MAGI2: variants seen among roughly 807,000 people sequenced by gnomAD.
The protein encoded by MAGI2 is membrane-associated guanylate kinase, WW and PDZ domain-containing protein 2.
Under a neutral mutation model 133.3 loss-of-function variants are expected in MAGI2, and 35 were observed. The ratio of observed to expected loss-of-function variants is 0.26; its 90% CI spans 0.20 to 0.35. The LOEUF is 0.35. Ranked by LOEUF, MAGI2 falls within the 10% of genes least tolerant of loss-of-function variation. The pLI is 1.00. For synonymous variants in MAGI2, 729 were observed against 710.6 expected (o/e 1.03, Z -0.41); for missense variants, 1,636 against 1,863.4 (o/e 0.88, Z 2.25).
At chr7:79,354,934 GC>G (rs1431443239) in intron 1 of MAGI2, among the ~76,000 whole-genome samples, 1 of 152,102 alleles carries the variant, frequency 6.6e-6, no homozygotes, top group Non-Finnish European at 1.5e-5. Context: ...ATAGGTGTAA[GC>G]CCCCTTCTCC....
At chr7:78,406,268 C>A (rs192119384) in intron 6 of MAGI2, among the ~76,000 whole-genome samples, 32 of 152,134 alleles carry the variant, frequency 2.1e-4, no homozygotes, top group African/African-American at 7.2e-4. Context: ...TCTATTCTAA[C>A]ACAGATGGTA....
intron 2 of MAGI2, among the ~76,000 whole-genome samples, chr7:78,829,841 G>T (rs577233044): frequency 6.6e-6 from 1 of 152,080 alleles, no homozygotes; most frequent in Admixed American, 6.5e-5. Context: ...TTTTTGAGAA[G>T]AATGTATCCA....
intron 1 of MAGI2, among the ~76,000 whole-genome samples, chr7:79,187,786 C>G (rs1827295557): frequency 6.6e-6 from 1 of 151,784 alleles, no homozygotes; most frequent in Admixed American, 6.6e-5. Flanking sequence ...GATAAACACA[C>G]ATATTTTGTC....
Position 78,510,936 on chromosome 7 carries a change from T to C in MAGI2, c.755-9149A>G, listed in dbSNP as rs145392264. ...TTTGGCTTTCTAGTCTGCTTATAAC[T>C]GACTCCTCCTCACTCTGGTTTCTGC... On this transcript the variant is annotated intron_variant, in intron 4 of 21. Transcript: ENST00000354212. Among the ~76,000 whole-genome samples, 226 of 152,338 alleles carry C rather than the reference T, an allele frequency of 1.5e-3. 1 individual carries two copies. The highest frequency in any genetic ancestry group is 5.1e-3 in the African/African-American group (211 of 41,590).
At chr7:78,353,406 G>A (rs756117984) in intron 7 of MAGI2, among the ~76,000 whole-genome samples, 22 of 152,184 alleles carry the variant, frequency 1.4e-4, no homozygotes, top group Admixed American at 6.5e-5. Flanking sequence ...TCCAGTGGGG[G>A]AGACACACAA....
At chr7:79,295,139 C>T (rs1836833876) in intron 1 of MAGI2, among the ~76,000 whole-genome samples, 1 of 151,860 alleles carries the variant, frequency 6.6e-6, no homozygotes, top group Non-Finnish European at 1.5e-5. Flanking sequence ...AATCTAACAG[C>T]AATTCCAGGT....
At chr7:78,761,877 T>A (rs1218773224) in intron 2 of MAGI2, among the ~76,000 whole-genome samples, 1 of 151,996 alleles carries the variant, frequency 6.6e-6, no homozygotes, top group Non-Finnish European at 1.5e-5. Context: ...CAGGCAAAGA[T>A]AAGACATCTC....
intron 1 of MAGI2, among the ~76,000 whole-genome samples, chr7:79,032,027 A>T (rs1285102337): frequency 6.6e-6 from 1 of 152,202 alleles, no homozygotes; most frequent in Non-Finnish European, 1.5e-5. Flanking sequence ...TGATGGCACC[A>T]ACTTAATATA....
At chr7:78,131,730 G>A (rs753165922) in intron 18 of MAGI2, among the ~76,000 whole-genome samples, 1 of 152,094 alleles carries the variant, frequency 6.6e-6, no homozygotes, top group Non-Finnish European at 1.5e-5. Context: ...AGACAATGTT[G>A]TTCTTATGAC....
intron 21 of MAGI2, among the ~76,000 whole-genome samples, chr7:78,031,150 T>C (rs1256996669): frequency 1.3e-5 from 2 of 152,184 alleles, no homozygotes; most frequent in African/African-American, 2.4e-5. Flanking sequence ...TATGACATTC[T>C]CAAATAGGCA....
At chr7:78,025,607 A>G (rs532785594) in intron 21 of MAGI2, among the ~76,000 whole-genome samples, 1 of 152,274 alleles carries the variant, frequency 6.6e-6, no homozygotes, top group South Asian at 2.1e-4. Context: ...AGGGCAAAGG[A>G]TTTTCATTTG....
At chr7:78,838,087 G>A (rs1240553940) in intron 2 of MAGI2, among the ~76,000 whole-genome samples, 3 of 151,974 alleles carry the variant, frequency 2.0e-5, no homozygotes, top group South Asian at 2.1e-4. Flanking sequence ...AAAACTGCTC[G>A]GAAAGCTTGA....
At chr7:79,026,453 G>A (rs1562802615) in intron 1 of MAGI2, among the ~76,000 whole-genome samples, 2 of 152,166 alleles carry the variant, frequency 1.3e-5, no homozygotes, top group Non-Finnish European at 2.9e-5. Context: ...AAGCAAGAGT[G>A]TGGACACACA....
chr7:78,696,819 T>C (rs747316367), intron 2 of MAGI2, among the ~76,000 whole-genome samples: 1 of 152,198 alleles, frequency 6.6e-6, no homozygotes, highest in Non-Finnish European at 1.5e-5. Context: ...ACTTCATTCT[T>C]CTTTGAGATT....
chr7:78,987,876 G>T (rs1488470344), intron 2 of MAGI2, among the ~76,000 whole-genome samples: 1 of 151,732 alleles, frequency 6.6e-6, no homozygotes. Flanking sequence ...AAGGAAAAAA[G>T]ATTTATAATT....
At chr7:78,452,121 C>T (rs141059520) in intron 6 of MAGI2, among the ~76,000 whole-genome samples, 57 of 152,048 alleles carry the variant, frequency 3.7e-4, no homozygotes, top group East Asian at 1.4e-3. Flanking sequence ...TGAGTGTGGA[C>T]TGTGTTCTAT....
At chr7:79,006,091 G>C (rs1423875142) in intron 2 of MAGI2, among the ~76,000 whole-genome samples, 1 of 152,042 alleles carries the variant, frequency 6.6e-6, no homozygotes, top group East Asian at 1.9e-4. Context: ...ATCTCTGTGT[G>C]TTTTCATTAT....
At chr7:78,828,542 A>G (rs1025897492) in intron 2 of MAGI2, among the ~76,000 whole-genome samples, 1 of 152,210 alleles carries the variant, frequency 6.6e-6, no homozygotes. Flanking sequence ...CTAAATATAC[A>G]TGATGACTAA....
At chr7:79,393,346 A>T (rs1200869807) in intron 1 of MAGI2, among the ~76,000 whole-genome samples, 2 of 152,174 alleles carry the variant, frequency 1.3e-5, no homozygotes, top group East Asian at 3.8e-4. Flanking sequence ...TCTTATAAAG[A>T]TGTTTTAAAA....
Sources: allele counts gnomAD v4.1 joint callset (sites outside exome capture counted in the v4.1 genomes callset), GRCh38; gene constraint gnomAD v4.1.1; transcripts MANE v1.5; gene names NCBI Gene and HGNC (gene_info 2026-07-23, HGNC 2026-07-21).